The following MYH6 variants were observed in gnomAD, a reference collection of about 807,000 sequenced individuals.
MYH6 encodes the protein myosin heavy chain 6.
In MYH6, 126 loss-of-function variants were observed where a neutral mutation model predicts 223.2. The observed-to-expected ratio is 0.56, with a 90% CI of 0.49 to 0.65. The LOEUF (loss-of-function observed/expected upper bound fraction) is 0.65, where lower values mean the gene tolerates loss of function less well. Among genes scored for constraint, MYH6 ranks in the 30% least tolerant of loss-of-function variants. The probability of loss-of-function intolerance (pLI) is 0.00; values close to 1 mark genes in which losing one functional copy is unlikely to be tolerated. For synonymous variants in MYH6, 978 were observed against 1,010.2 expected (o/e 0.97, Z 0.61); for missense variants, 2,040 against 2,536.4 (o/e 0.80, Z 4.20).
In MYH6 at chr14:23,398,837, C is replaced by T; in HGVS notation, c.1782G>A (p.Trp594Ter). Residue 594 changes from tryptophan (W) to a stop codon, truncating the protein, a stop_gained, in exon 15 of 39, where the codon TGG becomes TGA. Transcript: ENST00000405093. LOFTEE classifies it high-confidence loss of function. ...AGTVDYNILG[W>*]LEKNKDPLNE... ...TGAGAGGATCCTTGTTTTTTTCCAG[C>T]CAGCCCAGGATGTTGTAGTCCACAG... 1 of 1,614,180 alleles carries T rather than the reference C, an allele frequency of 6.2e-7. No homozygotes were observed. The highest frequency in any genetic ancestry group is 8.5e-7 in the Non-Finnish European group (1 of 1,180,026).
intron 32 of MYH6, among the ~76,000 whole-genome samples, chr14:23,387,128 T>C (rs1891052950): frequency 6.6e-6 from 1 of 152,230 alleles, no homozygotes; most frequent in Admixed American, 6.5e-5. Flanking sequence ...TATGTACAGT[T>C]AATTCCATTT....
In MYH6 at chr14:23,389,452, T is replaced by A; in HGVS notation, c.3919A>T (p.Lys1307Ter). ...EALISQLTRG[K>*]LSYTQQMEDL... ...TCCATTTGCTGGGTATAAGAGAGCT[T>A]CCCCCGGGTCAGCTGCGAGATTAGC... is the stretch of plus-strand genomic sequence containing the variant. Residue 1307 changes from lysine to a stop codon, truncating the protein, a stop_gained, in exon 28 of 39, where the codon AAG (lysine) becomes TAG (stop). Transcript: ENST00000405093. LOFTEE classifies it high-confidence loss of function. The A allele has an allele frequency of 3.1e-6, 5 of 1,614,090 alleles. No individual in the cohort carries two copies. Among genetic ancestry groups the A allele is most frequent in the Non-Finnish European group, 4.2e-6 (5 of 1,180,024 alleles).
chr14:23,407,441 C>T lies in MYH6; in HGVS notation c.-14+135G>A. On this transcript the variant is annotated intron_variant, in intron 2 of 38. Transcript: ENST00000405093. The surrounding 1 kb of genome is among the most constrained non-coding windows in gnomAD (Gnocchi z 5.6). ...GAAGGACAATCTCTGTAAGGGGTTT[C>T]CCTGGGGTGGCATTGGCTGGAGTAT... 1 of 1,145,582 alleles carries T rather than the reference C, an allele frequency of 8.7e-7. No homozygotes were observed. The highest frequency in any genetic ancestry group is 1.2e-6 in the Non-Finnish European group (1 of 835,934). The allele number at this position is 1,145,582 out of a possible 1,614,324, so 71.0% of individuals were successfully genotyped here.
At chr14:23,403,037 G>A (rs770108153) in intron 10 of MYH6, among the ~76,000 whole-genome samples, 59 of 152,030 alleles carry the variant, frequency 3.9e-4, no homozygotes, top group Non-Finnish European at 7.9e-4. Context: ...AAGGAGGAGG[G>A]AGGGTGGCAG....
At chr14:23,396,048 T>G (rs1891382396) in intron 20 of MYH6, among the ~76,000 whole-genome samples, 1 of 152,040 alleles carries the variant, frequency 6.6e-6, no homozygotes, top group African/African-American at 2.4e-5. Flanking sequence ...TCTAGTGTTT[T>G]AAAATGGTAT....
At position 23,402,806 on chromosome 14, in the gene MYH6, C is replaced by T; in HGVS notation, c.899-6G>A. ...GTTGGTGACCAGCAGCATGTCTGCA[C>T]CAGGCAAGGGGTGAGGCAGGGGCAA... On this transcript the variant is annotated splice_region_variant and splice_polypyrimidine_tract_variant and intron_variant, in intron 10 of 38. Coordinates refer to ENST00000405093, the MANE Select transcript of MYH6 (RefSeq NM_002471.4). 3 of 1,612,094 alleles carry T rather than the reference C, an allele frequency of 1.9e-6. No individual in the cohort carries two copies.
intron 12 of MYH6, 148 bp from the exon 13 acceptor site, chr14:23,401,125 G>A (rs1891588579): frequency 1.5e-6 from 2 of 1,329,198 alleles, no homozygotes; most frequent in African/African-American, 2.9e-5. Flanking sequence ...TCCTGCCTCA[G>A]CCTCCCAAGT....
chr14:23,393,615 T>A (rs1891303959), intron 22 of MYH6, 51 bp downstream of exon 22: 1 of 1,614,072 alleles, frequency 6.2e-7, no homozygotes, highest in African/African-American at 1.3e-5. Context: ...AACACTCTAG[T>A]CTGGGAGTCT....
chr14:23,397,943 C>CTTCTTCTTCTTCTTCTTCTTT (rs1891459942), intron 15 of MYH6, among the ~76,000 whole-genome samples: 16 of 58,056 alleles, frequency 2.8e-4, no homozygotes, highest in South Asian at 6.6e-4. Context: ...TCTTCTTCTT[C>CTTCTTCTTCTTCTTCTTCTTT]TTCTTCTTCT....
chr14:23,397,219 G>C lies in MYH6; in HGVS notation c.2001C>G (p.Thr667=), dbSNP rs1246210572. The change falls in exon 17 of 39, where the codon ACC becomes ACG. Residue 667 remains threonine (T), a synonymous_variant. Transcript: ENST00000405093. ...TGATGCAACGCACAAAGTGAGGATG[G>C]GTGGTCCTCAGGTTGGTCATTAGCT... is the stretch of plus-strand genomic sequence containing the variant. ...LNKLMTNLRT[T]HPHFVRCIIP... is the part of the protein sequence containing the mutation. The C allele has an allele frequency of 6.2e-7, 1 of 1,614,194 alleles. No homozygotes were observed.
chr14:23,402,877 G>A, intron 10 of MYH6, 77 bp from the exon 11 acceptor site: 1 of 968,352 alleles, frequency 1.0e-6, no homozygotes, highest in Non-Finnish European at 1.6e-6. Flanking sequence ...GTTGGGAAAG[G>A]GAGGGAGGGG....
chr14:23,384,686 T>G lies in MYH6; in HGVS notation c.5321A>C (p.Glu1774Ala), dbSNP rs769880184. Residue 1774 changes from glutamate (E) to alanine (A), a missense_variant, in exon 36 of 39, where the codon GAG becomes GCG. Glu to Ala is a moderately radical substitution (Grantham distance 107, BLOSUM62 -1). Around this residue, in one of 4 missense-constraint regions of MYH6, gnomAD observed 1,203 missense variants for 1,400.2 expected, o/e 0.86. Coordinates refer to ENST00000405093, the MANE Select transcript of MYH6 (RefSeq NM_002471.4). ...CTCCAGGTGGGCGCTGGTGTCCTGCTCCTTCTTCAGCTCCTCTGCCATCAT... is the reference window on the plus strand; with the variant it reads ...CTCCAGGTGGGCGCTGGTGTCCTGCGCCTTCTTCAGCTCCTCTGCCATCAT... ...AAMMAEELKK[E>A]QDTSAHLERM... 1 of 1,614,232 alleles carries G rather than the reference T, an allele frequency of 6.2e-7. No homozygotes were observed.
chr14:23,402,631 G>T lies in MYH6; in HGVS notation c.1003-29C>A, dbSNP rs45466392. 10,728 of 1,613,818 alleles carry T rather than the reference G, an allele frequency of 6.6e-3. 46 individuals are homozygous for T. Among genetic ancestry groups the T allele is most frequent in the Non-Finnish European group, 8.1e-3 (9,588 of 1,179,988 alleles). ...GGACAGAGCGAGAGACAAAGAGGGGGGTTGGAGCGGTGGCCCCAGGAGCTC... is the reference window on the plus strand; with the variant it reads ...GGACAGAGCGAGAGACAAAGAGGGGTGTTGGAGCGGTGGCCCCAGGAGCTC... On this transcript the variant is annotated intron_variant, in intron 11 of 38. Coordinates refer to ENST00000405093, the MANE Select transcript of MYH6 (RefSeq NM_002471.4).
intron 32 of MYH6, 30 bp downstream of exon 32, chr14:23,387,499 G>C: frequency 6.2e-7 from 1 of 1,611,242 alleles, no homozygotes; most frequent in Non-Finnish European, 8.5e-7. Context: ...GCAGAACAGG[G>C]ATGGGGTGCA....
At chr14:23,400,653 T>A in intron 13 of MYH6, 56 bp downstream of exon 13, 2 of 1,613,624 alleles carry the variant, frequency 1.2e-6, no homozygotes, top group Non-Finnish European at 1.7e-6. Flanking sequence ...CAAATGGCTG[T>A]TGAATGTAGG....
At position 23,393,061 on chromosome 14, in the gene MYH6, T is replaced by A; in HGVS notation, c.3106-4A>T. 1.2e-6 allele frequency: 2 copies of A among 1,614,110 alleles called. No homozygotes were observed. The highest frequency in any genetic ancestry group is 8.5e-7 in the Non-Finnish European group (1 of 1,180,004). On this transcript the variant is annotated splice_region_variant and splice_polypyrimidine_tract_variant and intron_variant, in intron 23 of 38. Transcript: ENST00000405093. ...CTTGCTCTAGGGATCCCTCCAGCTGTTGGAGGGAAGAAAATAAGCAAAGTG... is the reference window on the plus strand; with the variant it reads ...CTTGCTCTAGGGATCCCTCCAGCTGATGGAGGGAAGAAAATAAGCAAAGTG...
Position 23,405,719 on chromosome 14 carries a change from C to T in MYH6, c.253G>A (p.Asp85Asn), listed in dbSNP as rs397516758. Residue 85 changes from aspartate (D) to asparagine (N), a missense_variant, in exon 4 of 39, where the codon GAC becomes AAC. By Grantham distance (23) the Asp-to-Asn change is conservative. Around this residue, in one of 4 missense-constraint regions of MYH6, gnomAD observed 184 missense variants for 232.4 expected, o/e 0.79. Transcript: ENST00000405093. The surrounding 1 kb of genome is among the most constrained non-coding windows in gnomAD (Gnocchi z 4.7). ...AGCATGGCCATGTCCTCAATCTTGT[C>T]GAACTTGGGTGGGTTCTGCTGCAAC... The part of the protein sequence containing the change: ...QVLQQNPPKF[D>N]KIEDMAMLTF... 16 of 1,614,032 alleles carry T rather than the reference C, an allele frequency of 9.9e-6. No individual in the cohort carries two copies. The highest frequency in any genetic ancestry group is 1.7e-5 in the Admixed American group (1 of 60,004).
At chr14:23,382,320 C>G in intron 38 of MYH6, 108 bp downstream of exon 38, 1 of 1,532,430 alleles carries the variant, frequency 6.5e-7, no homozygotes, top group Admixed American at 1.7e-5. Context: ...CTATGGGACC[C>G]TCAGAACTGC....
chr14:23,382,000 T>C lies in MYH6; in HGVS notation c.*40A>G. 6.2e-7 allele frequency: 1 copy of C among 1,614,106 alleles called. No homozygotes were observed. The highest frequency in any genetic ancestry group is 1.1e-5 in the South Asian group (1 of 91,078). On this transcript the variant is annotated 3_prime_UTR_variant, in exon 39 of 39. Coordinates refer to ENST00000405093, the MANE Select transcript of MYH6 (RefSeq NM_002471.4). The stretch of plus-strand genomic sequence containing the variant: ...GCTCAGGCAGAGTTTGGCACTCATA[T>C]TTATTACAGGTTGGCAAGAGTGAGG...
Sources: allele counts gnomAD v4.1 joint callset (sites outside exome capture counted in the v4.1 genomes callset), GRCh38; gene constraint gnomAD v4.1.1; regional missense constraint gnomAD v4.1.1; non-coding constraint Gnocchi (gnomAD v3.1); transcripts MANE v1.5; gene names NCBI Gene and HGNC (gene_info 2026-07-23, HGNC 2026-07-21).